PLXND1: variants seen among roughly 807,000 people sequenced by gnomAD.
The protein encoded by PLXND1 is plexin-D1.
A neutral mutation model predicts 197.7 loss-of-function variants in PLXND1; 54 were observed. The ratio of observed to expected loss-of-function variants is 0.27; its 90% CI spans 0.22 to 0.34. The LOEUF is 0.34. Ranked by LOEUF, PLXND1 falls within the 10% of genes least tolerant of loss-of-function variation. PLXND1 has a pLI of 1.00. For synonymous variants in PLXND1, 1,180 were observed against 1,161.2 expected, an observed-to-expected ratio of 1.02 and a Z score of -0.33; for missense variants, 2,127 against 2,699.2, an observed-to-expected ratio of 0.79 and a Z score of 4.70.
At chr3:129,598,816 TCA>T (rs2085665004) in intron 1 of PLXND1, among the ~76,000 whole-genome samples, 1 of 151,952 alleles carries the variant, frequency 6.6e-6, no homozygotes, top group South Asian at 2.1e-4. Context: ...AGCACCACAG[TCA>T]CACACCACGG....
intron 1 of PLXND1, among the ~76,000 whole-genome samples, chr3:129,597,483 G>GCCCCC (rs1050587904): frequency 1.3e-5 from 2 of 151,020 alleles, no homozygotes; most frequent in South Asian, 4.2e-4. Context: ...CTGCCTGCGG[G>GCCCCC]CCCCCCCCCA....
Position 129,572,838 on chromosome 3 carries a change from T to A in PLXND1, c.2937+4A>T. ...CCGGACAGTGGGCTGCAGCCCCCCC[T>A]TACCACGTAGGAGAAGCGGTCCCGG... On this transcript the variant is annotated splice_donor_region_variant and intron_variant, in intron 14 of 35. Coordinates refer to ENST00000324093, the MANE Select transcript of PLXND1 (RefSeq NM_015103.3). The A allele has an allele frequency of 6.2e-7, 1 of 1,613,300 alleles. No homozygotes were observed. The highest frequency in any genetic ancestry group is 8.5e-7 in the Non-Finnish European group (1 of 1,179,496).
intron 17 of PLXND1, 100 bp from the exon 18 acceptor site, chr3:129,571,403 G>C: frequency 6.6e-7 from 1 of 1,521,768 alleles, no homozygotes; most frequent in African/African-American, 1.4e-5. Flanking sequence ...CAGAGGCAGA[G>C]GGAGGAAGAG....
chr3:129,556,993 C>T, intron 34 of PLXND1, 90 bp downstream of exon 34: 1 of 1,408,602 alleles, frequency 7.1e-7, no homozygotes, highest in Non-Finnish European at 9.8e-7. Context: ...GCTCCCTGCC[C>T]TTACTCCAGT....
At chr3:129,569,399 C>A (rs1004823308) in intron 20 of PLXND1, 2 of 157,604 alleles carry the variant, frequency 1.3e-5, no homozygotes, top group Middle Eastern at 3.2e-3. Flanking sequence ...AAAGCAGCTG[C>A]GCTTTTTTGT....
chr3:129,595,921 G>GCGCGCACACACA (rs138452605), intron 1 of PLXND1, among the ~76,000 whole-genome samples: 4 of 146,514 alleles, frequency 2.7e-5, no homozygotes, highest in South Asian at 2.2e-4. Flanking sequence ...GTGCACGCAC[G>GCGCGCACACACA]CACACACACA....
rs1333002907 is a variant in PLXND1 at position 129,605,764 on chromosome 3, A to T, written c.876T>A (p.Gly292=). 6.4e-7 allele frequency: 1 copy of T among 1,565,790 alleles called. No homozygotes were observed. The highest frequency in any genetic ancestry group is 8.6e-7 in the Non-Finnish European group (1 of 1,156,754). Residue 292 remains glycine (G), a synonymous_variant, in exon 1 of 36, where the codon GGT becomes GGA. Coordinates refer to ENST00000324093, the MANE Select transcript of PLXND1 (RefSeq NM_015103.3). ...AFLHPSDPPP[G]AQSYAYLALN... Reference sequence around the variant, plus strand: ...GCGCCAGGTACGCGTAGGACTGTGCACCCGGCGGCGGGTCGGACGGGTGCA... The same window carrying T: ...GCGCCAGGTACGCGTAGGACTGTGCTCCCGGCGGCGGGTCGGACGGGTGCA...
chr3:129,557,895 G>C lies in PLXND1; in HGVS notation c.5445+533C>G, dbSNP rs1230898741. On this transcript the variant is annotated intron_variant, in intron 33 of 35. Coordinates refer to ENST00000324093, the MANE Select transcript of PLXND1 (RefSeq NM_015103.3). This position sits in a 1 kb window ranked among gnomAD's most constrained non-coding sequence, Gnocchi z 4.8. ...CTGCCTCCCTGTCTTTGCCTGCGCC[G>C]TTCTCTCTGCCTGGAAGGCCATCCT... Among the ~76,000 whole-genome samples, 1 of 152,132 alleles carries C rather than the reference G, an allele frequency of 6.6e-6. No homozygotes were observed. Among genetic ancestry groups the C allele is most frequent in the Non-Finnish European group, 1.5e-5 (1 of 68,024 alleles).
rs2085788287 is a variant in PLXND1, at chr3:129,606,043, G to C, written c.597C>G (p.Ala199=). The change falls in exon 1 of 36, where the codon GCC becomes GCG. Residue 199 remains alanine, a synonymous_variant. Coordinates refer to ENST00000324093, the MANE Select transcript of PLXND1 (RefSeq NM_015103.3). ...ASTVGLVLPP[A]AGAGGSRLLV... ...GCAGGCGGCTGCCCCCCGCGCCCGCGGCGGGAGGCAGAACTAGCCCCACGG... is the reference window on the plus strand; with the variant it reads ...GCAGGCGGCTGCCCCCCGCGCCCGCCGCGGGAGGCAGAACTAGCCCCACGG... The C allele has an allele frequency of 1.9e-6, 3 of 1,593,258 alleles. No individual in the cohort carries two copies. The highest frequency in any genetic ancestry group is 3.4e-5 in the Admixed American group (2 of 58,130).
chr3:129,564,611 G>A (rs1430320473), intron 25 of PLXND1, among the ~76,000 whole-genome samples: 1 of 152,222 alleles, frequency 6.6e-6, no homozygotes, highest in Non-Finnish European at 1.5e-5. Context: ...CTGGACAGTG[G>A]GACAGGACAA....
chr3:129,559,486 G>C (rs565121411), intron 32 of PLXND1, 134 bp downstream of exon 32: 1 of 681,654 alleles, frequency 1.5e-6, no homozygotes, highest in Non-Finnish European at 2.5e-6. Context: ...TCACTCATCC[G>C]AGAACACACA....
chr3:129,556,976 C>A, intron 34 of PLXND1, 107 bp downstream of exon 34: 1 of 1,240,064 alleles, frequency 8.1e-7, no homozygotes, highest in Non-Finnish European at 1.1e-6. Flanking sequence ...TCTGAAATGC[C>A]CTCTGCGCTC....
intron 8 of PLXND1, among the ~76,000 whole-genome samples, chr3:129,581,594 T>A (rs1245062617): frequency 6.6e-6 from 1 of 152,316 alleles, no homozygotes; most frequent in East Asian, 1.9e-4. Flanking sequence ...ATAGAGTTGG[T>A]ATCTTACGGG....
chr3:129,565,807 C>A, intron 24 of PLXND1, 80 bp downstream of exon 24: 1 of 1,463,716 alleles, frequency 6.8e-7, no homozygotes, highest in Non-Finnish European at 9.4e-7. Flanking sequence ...GCCCCAGAGC[C>A]CCAGGACCCA....
intron 29 of PLXND1, 147 bp from the exon 30 acceptor site, chr3:129,560,870 C>T (rs2085048084): frequency 2.9e-6 from 2 of 697,306 alleles, no homozygotes; most frequent in Non-Finnish European, 5.3e-6. Flanking sequence ...GAGAGAGAAA[C>T]AGAAACGGAG....
chr3:129,561,828 T>G lies in PLXND1; in HGVS notation c.4901A>C (p.Lys1634Thr), dbSNP rs759357483. Residue 1634 changes from lysine (K) to threonine (T), a missense_variant, in exon 28 of 36, where the codon AAG (lysine) becomes ACG (threonine). Physicochemically the swap from Lys to Thr is moderately conservative, Grantham distance 78. Coordinates refer to ENST00000324093, the MANE Select transcript of PLXND1 (RefSeq NM_015103.3). Reference protein sequence around the residue: ...DDTSVVEDGRKKLNTLAHYKI... With the variant: ...DDTSVVEDGRTKLNTLAHYKI... ...GTAATGGGCCAGCGTGTTAAGCTTCTTGCGGCCGTCTTCCACCACTGAGGT... is the reference window on the plus strand; with the variant it reads ...GTAATGGGCCAGCGTGTTAAGCTTCGTGCGGCCGTCTTCCACCACTGAGGT... 4 of 1,613,888 alleles carry G rather than the reference T, an allele frequency of 2.5e-6. No homozygotes were observed. The Admixed American group carries it at 6.7e-5, about 27-fold the overall frequency.
In PLXND1 at chr3:129,578,381, G is replaced by A. The variant is rs754418176; in HGVS notation, c.2294C>T (p.Thr765Met). ...TLLSPLAPVP[T>M]GGSQNILVPL... ...CACCAGGATGTTCTGGGAGCCACCCGTAGGCACGGGTGCCAGGGGTGAGAG... is the reference window on the plus strand; with the variant it reads ...CACCAGGATGTTCTGGGAGCCACCCATAGGCACGGGTGCCAGGGGTGAGAG... The change falls in exon 9 of 36, where the codon ACG becomes ATG. Residue 765 changes from threonine (T) to methionine (M), a missense_variant. Coordinates refer to ENST00000324093, the MANE Select transcript of PLXND1 (RefSeq NM_015103.3). 7.5e-6 allele frequency: 12 copies of A among 1,606,706 alleles called. No individual in the cohort carries two copies. Among genetic ancestry groups the A allele is most frequent in the East Asian group, 2.2e-5 (1 of 44,630 alleles).
chr3:129,598,402 T>C (rs2128900), intron 1 of PLXND1, among the ~76,000 whole-genome samples: 13,868 of 152,144 alleles, frequency 0.091, 880 homozygotes, highest in East Asian at 0.26. Context: ...GGCTGTCCTG[T>C]AGCAAGCTGA....
At chr3:129,570,572 A>G (rs2085208924) in intron 19 of PLXND1, 8 of 594,508 alleles carry the variant, frequency 1.3e-5, no homozygotes, top group African/African-American at 3.7e-5. Context: ...CCAGGTCCAG[A>G]TGGGGCCCAT....
Sources: allele counts gnomAD v4.1 joint callset (sites outside exome capture counted in the v4.1 genomes callset), GRCh38; gene constraint gnomAD v4.1.1; non-coding constraint Gnocchi (gnomAD v3.1); transcripts MANE v1.5; gene names NCBI Gene and HGNC (gene_info 2026-07-23, HGNC 2026-07-21).